TNNI3K: variants seen among roughly 807,000 people sequenced by gnomAD.
TNNI3K encodes the protein TNNI3 interacting kinase, also known as serine/threonine-protein kinase TNNI3K.
TNNI3K carries 140 observed loss-of-function variants against 114.5 expected under a neutral mutation model. The observed-to-expected ratio is 1.22, with a 90% CI of 1.07 to 1.41. The LOEUF (loss-of-function observed/expected upper bound fraction) is 1.41. TNNI3K is among the 40% of genes most tolerant of loss of function. TNNI3K has a pLI of 0.00. For synonymous variants in TNNI3K, 347 were observed against 347.5 expected (o/e 1.00, Z 0.02); for missense variants, 1,125 against 1,007.6 (o/e 1.12, Z -1.58).
intron 11 of TNNI3K, among the ~76,000 whole-genome samples, chr1:74,364,890 A>G (rs1662182392): frequency 6.6e-6 from 1 of 152,088 alleles, no homozygotes; most frequent in Non-Finnish European, 1.5e-5. Flanking sequence ...TGACACCTTG[A>G]TTTCAGCTCA....
At chr1:74,319,519 A>G (rs1483060710) in intron 5 of TNNI3K, among the ~76,000 whole-genome samples, 1 of 152,214 alleles carries the variant, frequency 6.6e-6, no homozygotes, top group Non-Finnish European at 1.5e-5. Context: ...ATGGATTCAT[A>G]GAGAGATTAC....
chr1:74,268,297 C>G (rs894624857), intron 4 of TNNI3K, among the ~76,000 whole-genome samples: 3 of 151,770 alleles, frequency 2.0e-5, no homozygotes, highest in African/African-American at 7.3e-5. Flanking sequence ...GATGTTTTTC[C>G]TATTTATCTC....
At chr1:74,247,709 A>G (rs1363244566) in intron 2 of TNNI3K, among the ~76,000 whole-genome samples, 1 of 152,138 alleles carries the variant, frequency 6.6e-6, no homozygotes, top group Non-Finnish European at 1.5e-5. Context: ...AGCTAGATAC[A>G]GAGTGCTGAT....
intron 2 of TNNI3K, among the ~76,000 whole-genome samples, chr1:74,248,236 C>T (rs917043380): frequency 2.0e-5 from 3 of 152,132 alleles, no homozygotes; most frequent in Non-Finnish European, 4.4e-5. Flanking sequence ...CCACCCAGAA[C>T]TCACGCTGGC....
chr1:74,238,135 C>G (rs1435401670), intron 2 of TNNI3K, among the ~76,000 whole-genome samples: 1 of 151,852 alleles, frequency 6.6e-6, no homozygotes, highest in Non-Finnish European at 1.5e-5. Context: ...GAATGAGTAC[C>G]ATAGAAAGTT....
At chr1:74,390,951 A>G (rs1458334252) in intron 17 of TNNI3K, among the ~76,000 whole-genome samples, 2 of 99,112 alleles carry the variant, frequency 2.0e-5, no homozygotes, top group Non-Finnish European at 4.0e-5. Flanking sequence ...AATGAAAAAA[A>G]TATATTTTTT....
At chr1:74,541,813 A>G (rs567384511) in intron 24 of TNNI3K, among the ~76,000 whole-genome samples, 31 of 152,192 alleles carry the variant, frequency 2.0e-4, no homozygotes, top group South Asian at 6.2e-4. Flanking sequence ...TACATTCGAT[A>G]TCTCCCATTA....
intron 12 of TNNI3K, among the ~76,000 whole-genome samples, chr1:74,367,637 A>G (rs776576843): frequency 9.2e-5 from 14 of 151,890 alleles, no homozygotes; most frequent in Non-Finnish European, 2.1e-4. Flanking sequence ...GAGAGCAGTC[A>G]TTTTCCATTT....
chr1:74,347,921 C>T (rs1239061500), intron 9 of TNNI3K, among the ~76,000 whole-genome samples: 1 of 152,082 alleles, frequency 6.6e-6, no homozygotes, highest in Non-Finnish European at 1.5e-5. Flanking sequence ...GAGTAGGTTG[C>T]AAAAATTTTC....
At chr1:74,350,352 T>C (rs1013550474) in intron 9 of TNNI3K, among the ~76,000 whole-genome samples, 2 of 152,228 alleles carry the variant, frequency 1.3e-5, no homozygotes, top group Non-Finnish European at 2.9e-5. Flanking sequence ...ATAATTTCTG[T>C]TCTTTTACAT....
chr1:74,498,214 C>T (rs1669433030), intron 23 of TNNI3K, among the ~76,000 whole-genome samples: 1 of 152,180 alleles, frequency 6.6e-6, no homozygotes, highest in African/African-American at 2.4e-5. Flanking sequence ...CTACCATCAA[C>T]CTATCACTGT....
chr1:74,430,409 T>C (rs530242412), intron 17 of TNNI3K, among the ~76,000 whole-genome samples: 5 of 152,208 alleles, frequency 3.3e-5, no homozygotes, highest in African/African-American at 1.2e-4. Context: ...TCCATTCACT[T>C]TTGGTTAAAA....
Position 74,436,677 on chromosome 1 carries a change from C to T in TNNI3K, c.1878+151C>T, listed in dbSNP as rs530512320. 7.3e-5 allele frequency: 54 copies of T among 737,886 alleles called. No individual in the cohort carries two copies. The African/African-American group carries it at 1.0e-3, about 14-fold the overall frequency. The allele number at this position is 737,886 out of a possible 1,614,324, so 45.7% of individuals were successfully genotyped here. On this transcript the variant is annotated intron_variant, in intron 19 of 24. Transcript: ENST00000326637. ...GGCTTATGTCTTTATTTTTAGTAAG[C>T]TGTCAAAATAACTATCTCAAGGCTC...
chr1:74,435,145 C>T (rs367866258), intron 17 of TNNI3K, among the ~76,000 whole-genome samples: 1 of 151,970 alleles, frequency 6.6e-6, no homozygotes, highest in East Asian at 1.9e-4. Context: ...TGGTAAGAAG[C>T]ATTCAAAGAC....
chr1:74,347,348 G>T (rs1281826639), intron 9 of TNNI3K, among the ~76,000 whole-genome samples: 1 of 151,916 alleles, frequency 6.6e-6, no homozygotes, highest in Non-Finnish European at 1.5e-5. Context: ...TTTTATGGCT[G>T]CATAGTATTC....
At chr1:74,256,149 A>G (rs982443908) in intron 4 of TNNI3K, among the ~76,000 whole-genome samples, 5 of 152,158 alleles carry the variant, frequency 3.3e-5, no homozygotes, top group Non-Finnish European at 7.4e-5. Context: ...TGAGTCACAT[A>G]ATAAGTATAT....
chr1:74,332,687 A>G (rs1489883981), intron 6 of TNNI3K, among the ~76,000 whole-genome samples: 1 of 152,146 alleles, frequency 6.6e-6, no homozygotes, highest in Non-Finnish European at 1.5e-5. Flanking sequence ...AATAAATAGA[A>G]GAGCTGGAAT....
chr1:74,285,985 A>G lies in TNNI3K; in HGVS notation c.444+14277A>G, dbSNP rs186782533. 3.5e-4 allele frequency among the ~76,000 whole-genome samples: 54 copies of G among 152,336 alleles called. 1 individual carries two copies. The highest frequency in any genetic ancestry group is 1.3e-3 in the African/African-American group (52 of 41,590). ...TGCTTGTCATCTCACAGAAATATCA[A>G]CTTGAAGAACTATCCACACATAAAA... On this transcript the variant is annotated intron_variant, in intron 5 of 24. Coordinates refer to ENST00000326637, the MANE Select transcript of TNNI3K (RefSeq NM_015978.3).
At chr1:74,473,353 T>C (rs1668031097) in intron 21 of TNNI3K, among the ~76,000 whole-genome samples, 1 of 152,110 alleles carries the variant, frequency 6.6e-6, no homozygotes, top group Non-Finnish European at 1.5e-5. Flanking sequence ...ACGACCCTAT[T>C]GTCTTAACCA....
Sources: allele counts gnomAD v4.1 joint callset (sites outside exome capture counted in the v4.1 genomes callset), GRCh38; gene constraint gnomAD v4.1.1; transcripts MANE v1.5; gene names NCBI Gene and HGNC (gene_info 2026-07-23, HGNC 2026-07-21).